Variants in CHST11 observed in about 807,000 individuals in gnomAD.
CHST11 encodes C4S-1.
In CHST11, 9 loss-of-function variants were observed where a neutral mutation model predicts 30.4. The ratio of observed to expected loss-of-function variants is 0.30; its 90% confidence interval spans 0.18 to 0.52. The LOEUF is 0.52. Among genes scored for constraint, CHST11 ranks in the 20% least tolerant of loss-of-function variants. The pLI is 0.97. For synonymous variants in CHST11, 152 were observed against 187.8 expected (o/e 0.81, Z 1.56); for missense variants, 348 against 460.6 (o/e 0.76, Z 2.24).
intron 1 of CHST11, among the ~76,000 whole-genome samples, chr12:104,512,911 T>G (rs1326367242): frequency 1.3e-5 from 2 of 152,092 alleles, no homozygotes; most frequent in African/African-American, 2.4e-5. Flanking sequence ...AGATGTTTTC[T>G]TGGAGACTCC....
At chr12:104,664,631 A>G (rs2039626876) in intron 2 of CHST11, among the ~76,000 whole-genome samples, 1 of 152,226 alleles carries the variant, frequency 6.6e-6, no homozygotes, top group African/African-American at 2.4e-5. Flanking sequence ...AAATGTTACA[A>G]GTGCAGACAG....
chr12:104,517,355 T>G (rs760146505), intron 1 of CHST11, among the ~76,000 whole-genome samples: 1 of 152,202 alleles, frequency 6.6e-6, no homozygotes, highest in Non-Finnish European at 1.5e-5. Context: ...AGCAAGCTGT[T>G]GACAGCCTCA....
intron 1 of CHST11, among the ~76,000 whole-genome samples, chr12:104,483,643 A>G (rs1386078191): frequency 6.6e-6 from 1 of 152,186 alleles, no homozygotes; most frequent in African/African-American, 2.4e-5. Context: ...TGTTACCTGC[A>G]TCTCTTTGGT....
intron 1 of CHST11, among the ~76,000 whole-genome samples, chr12:104,480,888 C>G (rs1234329943): frequency 2.0e-5 from 3 of 152,206 alleles, no homozygotes; most frequent in African/African-American, 7.2e-5. Context: ...TTGTATTAAG[C>G]CACCAAGTTT....
At chr12:104,706,050 C>A (rs899017195) in intron 2 of CHST11, among the ~76,000 whole-genome samples, 2 of 152,034 alleles carry the variant, frequency 1.3e-5, no homozygotes, top group Admixed American at 1.3e-4. Flanking sequence ...TGCACCACTG[C>A]ACTCCAGCTG....
chr12:104,744,339 T>C (rs2040371653), intron 2 of CHST11, among the ~76,000 whole-genome samples: 1 of 152,010 alleles, frequency 6.6e-6, no homozygotes, highest in African/African-American at 2.4e-5. Context: ...TTGATTTGCA[T>C]TTCTCTAATG....
At chr12:104,623,651 G>A (rs1002706941) in intron 2 of CHST11, among the ~76,000 whole-genome samples, 5 of 151,994 alleles carry the variant, frequency 3.3e-5, no homozygotes, top group Admixed American at 1.3e-4. Context: ...CAGAGGTTGC[G>A]GTGAGCCGAG....
At chr12:104,609,501 AGATTTCCAGTCAAGCCAGGAAG>A (rs942055968) in intron 2 of CHST11, among the ~76,000 whole-genome samples, 2 of 152,220 alleles carry the variant, frequency 1.3e-5, no homozygotes, top group African/African-American at 2.4e-5. Flanking sequence ...CTTCCCAGTC[AGATTTCCAGTCAAGCCAGGAAG>A]GATTTCCAGT....
At chr12:104,671,750 T>TTC (rs60876265) in intron 2 of CHST11, among the ~76,000 whole-genome samples, 2 of 151,930 alleles carry the variant, frequency 1.3e-5, no homozygotes, top group Non-Finnish European at 2.9e-5. Flanking sequence ...CTCTCTCTTT[T>TTC]TCTCTCTCTC....
At chr12:104,610,633 A>G (rs1257373423) in intron 2 of CHST11, among the ~76,000 whole-genome samples, 2 of 152,188 alleles carry the variant, frequency 1.3e-5, no homozygotes, top group Admixed American at 1.3e-4. Flanking sequence ...CTTCTCAGCC[A>G]ATTGGATTTT....
chr12:104,602,358 G>C (rs2136047444), intron 2 of CHST11: 1 of 269,032 alleles, frequency 3.7e-6, no homozygotes, highest in African/African-American at 2.2e-5. Flanking sequence ...GGGTACACTT[G>C]ACACCCATTC....
At chr12:104,543,053 T>C (rs904528643) in intron 1 of CHST11, among the ~76,000 whole-genome samples, 9 of 152,208 alleles carry the variant, frequency 5.9e-5, no homozygotes, top group Admixed American at 5.9e-4. Flanking sequence ...TTCTGCAGGC[T>C]GTACAAGCAT....
intron 1 of CHST11, among the ~76,000 whole-genome samples, chr12:104,488,436 C>CATGTATGT (rs79068245): frequency 7.0e-6 from 1 of 143,466 alleles, no homozygotes; most frequent in Non-Finnish European, 1.5e-5. Flanking sequence ...TATGTGTATG[C>CATGTATGT]ATGTATGTAT....
intron 2 of CHST11, among the ~76,000 whole-genome samples, chr12:104,719,368 A>G (rs889075330): frequency 2.6e-5 from 4 of 152,064 alleles, no homozygotes; most frequent in African/African-American, 7.2e-5. Context: ...TTTCCCATCA[A>G]TTGGATTTCT....
intron 2 of CHST11, among the ~76,000 whole-genome samples, chr12:104,696,412 G>A (rs559499104): frequency 2.5e-4 from 37 of 145,834 alleles, no homozygotes; most frequent in African/African-American, 9.0e-4. Context: ...TGAGGCGGGC[G>A]GATTACTTGA....
chr12:104,664,327 A>C (rs1469019303), intron 2 of CHST11, among the ~76,000 whole-genome samples: 2 of 152,210 alleles, frequency 1.3e-5, no homozygotes, highest in Admixed American at 6.5e-5. Flanking sequence ...ATGTTCTTTG[A>C]TTACTTAAGA....
At chr12:104,597,605 T>G (rs1255271346) in intron 1 of CHST11, among the ~76,000 whole-genome samples, 1 of 151,980 alleles carries the variant, frequency 6.6e-6, no homozygotes, top group African/African-American at 2.4e-5. Flanking sequence ...GAGTACCTAC[T>G]ACGTGCCAAG....
intron 1 of CHST11, among the ~76,000 whole-genome samples, chr12:104,580,408 CT>C (rs2038731439): frequency 6.6e-6 from 1 of 152,186 alleles, no homozygotes; most frequent in Non-Finnish European, 1.5e-5. Flanking sequence ...AGATGTTAGG[CT>C]GCCTGTTTCT....
chr12:104,536,810 T>C (rs938991270), intron 1 of CHST11, among the ~76,000 whole-genome samples: 1 of 152,214 alleles, frequency 6.6e-6, no homozygotes, highest in African/African-American at 2.4e-5. Context: ...TGTATGTTCC[T>C]TTGAAAGAGC....
Sources: allele counts gnomAD v4.1 joint callset (sites outside exome capture counted in the v4.1 genomes callset), GRCh38; gene constraint gnomAD v4.1.1; transcripts MANE v1.5; gene names NCBI Gene and HGNC (gene_info 2026-07-23, HGNC 2026-07-21).